The following MGAM variants were observed in gnomAD, a reference collection of about 807,000 sequenced individuals.
MGAM encodes the protein maltase-glucoamylase.
A neutral mutation model predicts 358.8 loss-of-function variants in MGAM; 253 were observed. That is an observed-to-expected ratio of 0.71 (90% confidence interval 0.64 to 0.78). The LOEUF (loss-of-function observed/expected upper bound fraction) is 0.78, where lower values mean the gene tolerates loss of function less well. Among genes scored for constraint, MGAM ranks in the 30% least tolerant of loss-of-function variants. The pLI, the probability that MGAM is intolerant of heterozygous loss-of-function variation, is 0.00. For synonymous variants in MGAM, 1,105 were observed against 1,227.1 expected, an observed-to-expected ratio of 0.90 and a Z score of 2.08; for missense variants, 3,080 against 3,432.6, an observed-to-expected ratio of 0.90 and a Z score of 2.57.
chr7:142,044,375 TG>T (rs1311661548), intron 21 of MGAM, among the ~76,000 whole-genome samples: 4 of 128,146 alleles, frequency 3.1e-5, no homozygotes, highest in Non-Finnish European at 5.0e-5. Context: ...TGATATATAA[TG>T]AATATTATAT....
chr7:142,019,983 C>T (rs1554457882), intron 4 of MGAM, among the ~76,000 whole-genome samples: 3 of 151,624 alleles, frequency 2.0e-5, no homozygotes, highest in African/African-American at 2.4e-5. Context: ...CCAGGAGAAT[C>T]GCCTGAACCC....
intron 27 of MGAM, among the ~76,000 whole-genome samples, 194 bp downstream of exon 27, chr7:142,055,102 G>T (rs761725490): frequency 3.9e-5 from 6 of 152,210 alleles, no homozygotes; most frequent in Non-Finnish European, 7.3e-5. Flanking sequence ...GGAGTTGAAT[G>T]TGCCTGAGGA....
intron 59 of MGAM, among the ~76,000 whole-genome samples, chr7:142,093,139 C>T (rs147529428): frequency 6.8e-6 from 1 of 146,438 alleles, no homozygotes. Flanking sequence ...ATTGGCAAGT[C>T]AAAAGCCTAA....
In MGAM at chr7:142,083,302, T is replaced by C. The variant is rs1414945050; in HGVS notation, c.6270T>C (p.Asp2090=). 4 of 1,546,282 alleles carry C rather than the reference T, an allele frequency of 2.6e-6. No individual in the cohort carries two copies. Among genetic ancestry groups the C allele is most frequent in the Non-Finnish European group, 3.6e-6 (4 of 1,126,448 alleles). The change falls in exon 53 of 71, where the codon GAT becomes GAC. Residue 2090 remains aspartate, a splice_region_variant and synonymous_variant. Coordinates refer to ENST00000475668, the MANE Select transcript of MGAM (RefSeq NM_001365693.1). ...GVLLLNSNAM[D]VTFQPLPALT... ...ATTAGCATTTTTCTTCATTTTCAGATGTGACGTTCCAGCCCCTGCCTGCCT... is the reference window on the plus strand; with the variant it reads ...ATTAGCATTTTTCTTCATTTTCAGACGTGACGTTCCAGCCCCTGCCTGCCT...
intron 65 of MGAM, 115 bp downstream of exon 65, chr7:142,096,530 C>G: frequency 8.0e-7 from 1 of 1,252,162 alleles, no homozygotes; most frequent in Non-Finnish European, 1.2e-6. Context: ...CTTATTCTAC[C>G]TGTGTCTCTT....
At position 142,062,040 on chromosome 7, in the gene MGAM, A is replaced by G. The variant is rs1472149030; in HGVS notation, c.4123-528A>G. Among the ~76,000 whole-genome samples the G allele has an allele frequency of 7.9e-5, 12 of 152,230 alleles. 1 individual carries two copies. Among genetic ancestry groups the G allele is most frequent in the Admixed American group, 7.9e-4 (12 of 15,282 alleles). ...TCTTTAAGTCCTCTCAATTTATGTT[A>G]CACACAGCTGTAGTTGTCATGTGAT... On this transcript the variant is annotated intron_variant, in intron 34 of 70. Transcript: ENST00000475668.
chr7:142,096,713 G>A (rs569634452), intron 65 of MGAM, among the ~76,000 whole-genome samples: 1 of 152,312 alleles, frequency 6.6e-6, no homozygotes, highest in African/African-American at 2.4e-5. Flanking sequence ...TAGAAGATCA[G>A]ATGGGGGCAG....
intron 31 of MGAM, among the ~76,000 whole-genome samples, 184 bp downstream of exon 31, chr7:142,058,512 T>G (rs1221519115): frequency 6.6e-6 from 1 of 152,242 alleles, no homozygotes; most frequent in Non-Finnish European, 1.5e-5. Flanking sequence ...CTTCCAGAGA[T>G]GACAGCTCAA....
In MGAM at chr7:142,036,291, G is replaced by T; in HGVS notation, c.2076+6G>T. ...ACAATGGCCAAGGCTACAAGGTAAG[G>T]CTCCTAGGACATAGAGTCAGAATAA... On this transcript the variant is annotated splice_donor_region_variant and intron_variant, in intron 17 of 70. Coordinates refer to ENST00000475668, the MANE Select transcript of MGAM (RefSeq NM_001365693.1). 1.3e-6 allele frequency: 2 copies of T among 1,585,882 alleles called. No individual in the cohort carries two copies. The highest frequency in any genetic ancestry group is 1.7e-6 in the Non-Finnish European group (2 of 1,161,436).
intron 14 of MGAM, among the ~76,000 whole-genome samples, chr7:142,033,381 C>T (rs1199188543): frequency 1.3e-5 from 2 of 152,188 alleles, no homozygotes; most frequent in Non-Finnish European, 1.5e-5. Context: ...CGTGATGATA[C>T]TCAGCTTTGA....
upstream of MGAM, among the ~76,000 whole-genome samples, chr7:141,993,642 G>C (rs1448590926): frequency 6.6e-6 from 1 of 152,168 alleles, no homozygotes; most frequent in Non-Finnish European, 1.5e-5. Context: ...TGTGAACTTG[G>C]AGGGGGAAAA....
rs765834696 is a variant in MGAM at position 142,078,488 on chromosome 7, G to T, written c.5646+18G>T. On this transcript the variant is annotated intron_variant, in intron 48 of 70. Coordinates refer to ENST00000475668, the MANE Select transcript of MGAM (RefSeq NM_001365693.1). ...TCTGGGAGGTAACCATGCTGATGGGGTTCATGTGCATGAAAATCTCCACAC... is the reference window on the plus strand; with the variant it reads ...TCTGGGAGGTAACCATGCTGATGGGTTTCATGTGCATGAAAATCTCCACAC... The T allele has an allele frequency of 2.6e-6, 4 of 1,528,292 alleles. No homozygotes were observed. The highest frequency in any genetic ancestry group is 2.3e-5 in the East Asian group (1 of 43,458). 94.7% of individuals were successfully genotyped at this position (1,528,292 alleles called of 1,614,324 possible). A position where few individuals can be genotyped will look rare whatever the true frequency, so the allele number is the denominator to read the frequency against.
In MGAM at chr7:142,091,649, C is replaced by A. The variant is rs932178727; in HGVS notation, c.6811-264C>A. On this transcript the variant is annotated intron_variant, in intron 57 of 70. Coordinates refer to ENST00000475668, the MANE Select transcript of MGAM (RefSeq NM_001365693.1). ...CATCGAATGCATGAGGTCACTAGTT[C>A]GGGTCATTGATTGTCATCATCCATG... Among the ~76,000 whole-genome samples, 4 of 146,154 alleles carry A rather than the reference C, an allele frequency of 2.7e-5. No individual in the cohort carries two copies. In the Admixed American group the frequency reaches 2.7e-4, roughly 10 times the overall value.
rs547564242 is a variant in MGAM, at chr7:142,091,113, G to A, written c.6811-800G>A. ...AATACAAAAATTAGCCAGGTGTAGTGGTGTGTGCCTGTAATCCCAGCTACT... is the reference window on the plus strand; with the variant it reads ...AATACAAAAATTAGCCAGGTGTAGTAGTGTGTGCCTGTAATCCCAGCTACT... On this transcript the variant is annotated intron_variant, in intron 57 of 70. Coordinates refer to ENST00000475668, the MANE Select transcript of MGAM (RefSeq NM_001365693.1). Among the ~76,000 whole-genome samples, 35 of 144,584 alleles carry A rather than the reference G, an allele frequency of 2.4e-4. 3 individuals are homozygous for A. The South Asian group carries it at 7.6e-3, about 31-fold the overall frequency. The allele number at this position is 144,584 out of a possible 152,430, so 94.9% of individuals were successfully genotyped here. A position where few individuals can be genotyped will look rare whatever the true frequency, so the allele number is the denominator to read the frequency against.
At chr7:142,011,446 G>C (rs1805585470) in intron 3 of MGAM, among the ~76,000 whole-genome samples, 1 of 151,376 alleles carries the variant, frequency 6.6e-6, no homozygotes, top group Non-Finnish European at 1.5e-5. Flanking sequence ...AGGAAGAGCA[G>C]TGAGCCCAGA....
chr7:142,023,265 T>C (rs1806631120), intron 7 of MGAM, among the ~76,000 whole-genome samples: 1 of 152,088 alleles, frequency 6.6e-6, no homozygotes, highest in African/African-American at 2.4e-5. Flanking sequence ...TGTTTCGCCA[T>C]GTTGTTCAGG....
At chr7:142,081,669 G>A (rs1350239729) in intron 50 of MGAM, among the ~76,000 whole-genome samples, 2 of 145,880 alleles carry the variant, frequency 1.4e-5, no homozygotes, top group Admixed American at 6.9e-5. Flanking sequence ...AGCACAAATG[G>A]GAGTGACATG....
chr7:142,077,220 G>A (rs1408334663), intron 47 of MGAM, among the ~76,000 whole-genome samples: 1 of 145,752 alleles, frequency 6.9e-6, no homozygotes, highest in East Asian at 2.0e-4. Context: ...AGGCCAGCTT[G>A]GATAGGAAAC....
Position 142,027,636 on chromosome 7 carries a change from C to T in MGAM, c.1122C>T (p.Ser374=). Residue 374 remains serine, a synonymous_variant, in exon 10 of 71, where the codon TCC becomes TCT. Transcript: ENST00000475668. Reference sequence around the variant, plus strand: ...TCATTGGGCGGCCAGCCCTTCCCTCCTACTGGGCGCTTGGATTTCACCTCA... The same window carrying T: ...TCATTGGGCGGCCAGCCCTTCCCTCTTACTGGGCGCTTGGATTTCACCTCA... ...LELIGRPALP[S]YWALGFHLSR... 1 of 1,613,806 alleles carries T rather than the reference C, an allele frequency of 6.2e-7. No individual in the cohort carries two copies.
Sources: gnomAD v4.1 joint callset for allele counts (sites outside exome capture counted in the v4.1 genomes callset) on GRCh38, gnomAD v4.1.1 for gene constraint, MANE v1.5 for transcripts, NCBI Gene and HGNC (gene_info 2026-07-23, HGNC 2026-07-21) for gene names.